OSBPL9: variants seen among roughly 807,000 people sequenced by gnomAD.
The protein encoded by OSBPL9 is oxysterol binding protein like 9.
OSBPL9 carries 40 observed loss-of-function variants against 106.6 expected under a neutral mutation model. The observed-to-expected ratio is 0.38, with a 90% CI of 0.29 to 0.49. The LOEUF is 0.49. Among genes scored for constraint, OSBPL9 ranks in the 20% least tolerant of loss-of-function variants. The probability of loss-of-function intolerance (pLI) is 0.97; values close to 1 mark genes in which losing one functional copy is unlikely to be tolerated. For synonymous variants in OSBPL9, 269 were observed against 295.4 expected (o/e 0.91, Z 0.92); for missense variants, 609 against 887.2 (o/e 0.69, Z 3.98).
rs758760414 is a variant in OSBPL9, at chr1:51,602,018, C to CTTTTTTTTTTTTTTTT, written c.-353+3830_-353+3845dup. Among the ~76,000 whole-genome samples, 249 of 76,400 alleles carry CTTTTTTTTTTTTTTTT rather than the reference C, an allele frequency of 3.3e-3. 35 individuals are homozygous for CTTTTTTTTTTTTTTTT. Among genetic ancestry groups the CTTTTTTTTTTTTTTTT allele is most frequent in the Admixed American group, 5.0e-3 (22 of 4,382 alleles). 50.1% of individuals were successfully genotyped at this position (76,400 alleles called of 152,430 possible). ...AGTCAATTGTTCCATTCTTGGGGTT[C>CTTTTTTTTTTTTTTTT]TTTTTTTTTTTTTTTTTTTTGAGAC... On this transcript the variant is annotated intron_variant, in intron 2 of 25. Transcript: ENST00000371714.
chr1:51,706,964 C>A (rs1557715741), intron 3 of OSBPL9, among the ~76,000 whole-genome samples: 1 of 152,168 alleles, frequency 6.6e-6, no homozygotes, highest in African/African-American at 2.4e-5. Context: ...AAGGTGGGGC[C>A]TTCCAGGCCC....
chr1:51,745,265 TAAGA>T (rs1667745752), intron 4 of OSBPL9: 1 of 338,590 alleles, frequency 3.0e-6, no homozygotes, highest in Non-Finnish European at 5.3e-6. Flanking sequence ...TTGGGGGAGA[TAAGA>T]AAGTGATTCT....
intron 2 of OSBPL9, among the ~76,000 whole-genome samples, chr1:51,663,167 G>A (rs1484061246): frequency 6.6e-6 from 1 of 152,142 alleles, no homozygotes; most frequent in African/African-American, 2.4e-5. Flanking sequence ...CAAAAGATGA[G>A]TGAGACCTCT....
intron 12 of OSBPL9, among the ~76,000 whole-genome samples, chr1:51,766,969 C>T (rs1324133702): frequency 1.3e-5 from 2 of 151,840 alleles, no homozygotes; most frequent in African/African-American, 2.4e-5. Flanking sequence ...ATTCCAGCTA[C>T]TCAGGAGGCT....
At chr1:51,554,312 A>T in the OSBPL9 span, among the ~76,000 whole-genome samples, 2 of 152,234 alleles carry the variant, frequency 1.3e-5, no homozygotes, top group Non-Finnish European at 2.9e-5. Context: ...TAATTAACAT[A>T]TTTCAACAAT....
intron 3 of OSBPL9, among the ~76,000 whole-genome samples, chr1:51,704,318 G>A (rs1293869298): frequency 2.0e-5 from 3 of 152,180 alleles, no homozygotes; most frequent in Non-Finnish European, 4.4e-5. Flanking sequence ...TTCAGAGCCT[G>A]TTATTGGTCG....
the OSBPL9 span, among the ~76,000 whole-genome samples, chr1:51,555,258 G>A: frequency 3.3e-5 from 5 of 152,012 alleles, no homozygotes; most frequent in East Asian, 2.0e-4. Flanking sequence ...TTGGGAGGCC[G>A]AGGCGGGCGG....
chr1:51,785,773 T>C (rs566072536), intron 20 of OSBPL9, 35 bp from the exon 21 acceptor site: 3 of 1,591,778 alleles, frequency 1.9e-6, no homozygotes, highest in East Asian at 4.5e-5. Context: ...AATTTTCAAC[T>C]TGAGACTAAC....
At chr1:51,520,540 A>C in the OSBPL9 span, among the ~76,000 whole-genome samples, 1 of 152,206 alleles carries the variant, frequency 6.6e-6, no homozygotes, top group Admixed American at 6.5e-5. Context: ...TATCTCCCTC[A>C]TAGTTTAGCC....
chr1:51,533,155 G>A, the OSBPL9 span, among the ~76,000 whole-genome samples: 1 of 152,122 alleles, frequency 6.6e-6, no homozygotes, highest in African/African-American at 2.4e-5. Context: ...TCTGTGATGG[G>A]AAAGACAAGA....
upstream of OSBPL9, among the ~76,000 whole-genome samples, chr1:51,616,003 GTTTT>G (rs764823727): frequency 4.8e-5 from 5 of 104,506 alleles, no homozygotes; most frequent in Non-Finnish European, 7.3e-5. Flanking sequence ...AAATCCTTTG[GTTTT>G]TTTTTTTTTT....
At chr1:51,580,488 A>C (rs1240455941) in intron 1 of OSBPL9, among the ~76,000 whole-genome samples, 1 of 152,196 alleles carries the variant, frequency 6.6e-6, no homozygotes, top group Non-Finnish European at 1.5e-5. Context: ...TGTCATTTCT[A>C]ATCAGCTATA....
chr1:51,761,748 A>C (rs1571613313), intron 10 of OSBPL9, 119 bp from the exon 11 acceptor site: 1 of 740,878 alleles, frequency 1.3e-6, no homozygotes, highest in East Asian at 2.5e-5. Context: ...AACTAGACTT[A>C]ATGAAATAAA....
At chr1:51,762,975 T>C (rs1186892476) in intron 11 of OSBPL9, among the ~76,000 whole-genome samples, 1 of 152,214 alleles carries the variant, frequency 6.6e-6, no homozygotes, top group Non-Finnish European at 1.5e-5. Flanking sequence ...TACTTCATTT[T>C]AATTTGCATT....
chr1:51,708,325 ATT>A (rs1299850880), intron 3 of OSBPL9, among the ~76,000 whole-genome samples: 1 of 131,904 alleles, frequency 7.6e-6, no homozygotes, highest in African/African-American at 2.9e-5. Flanking sequence ...AGAATATATG[ATT>A]TCAGTCCTTT....
chr1:51,635,060 A>AG (rs1249152303), intron 1 of OSBPL9, among the ~76,000 whole-genome samples: 1 of 152,188 alleles, frequency 6.6e-6, no homozygotes, highest in East Asian at 1.9e-4. Context: ...ACACAGGCAA[A>AG]CATATCCCAT....
At chr1:51,660,629 G>A (rs1359478089) in intron 2 of OSBPL9, among the ~76,000 whole-genome samples, 1 of 152,168 alleles carries the variant, frequency 6.6e-6, no homozygotes, top group Non-Finnish European at 1.5e-5. Flanking sequence ...TGGCATCTAG[G>A]CCAGTGCCTA....
chr1:51,527,172 T>C, the OSBPL9 span, among the ~76,000 whole-genome samples: 1 of 152,170 alleles, frequency 6.6e-6, no homozygotes, highest in Admixed American at 6.5e-5. Flanking sequence ...TACAACACCA[T>C]GGTCAAGTTA....
At chr1:51,546,296 T>TG in the OSBPL9 span, among the ~76,000 whole-genome samples, 2 of 152,100 alleles carry the variant, frequency 1.3e-5, no homozygotes, top group African/African-American at 4.8e-5. Context: ...GGATTACAGG[T>TG]GTGAGCCACC....
Sources: gnomAD v4.1 joint callset for allele counts (sites outside exome capture counted in the v4.1 genomes callset) on GRCh38, gnomAD v4.1.1 for gene constraint, MANE v1.5 for transcripts, NCBI Gene and HGNC (gene_info 2026-07-23, HGNC 2026-07-21) for gene names.